CACNA2D3: variants seen among roughly 807,000 people sequenced by gnomAD.
The protein encoded by CACNA2D3 is calcium voltage-gated channel auxiliary subunit alpha2delta 3.
Under a neutral mutation model 160.6 loss-of-function variants are expected in CACNA2D3, and 60 were observed. The ratio of observed to expected loss-of-function variants is 0.37; its 90% CI spans 0.30 to 0.46. CACNA2D3 has a LOEUF of 0.46. CACNA2D3 is among the 20% of genes least tolerant of loss of function. CACNA2D3 has a pLI of 1.00. For missense variants in CACNA2D3, 1,205 were observed against 1,365.0 expected, an observed-to-expected ratio of 0.88 and a Z score of 1.85; for synonymous variants, 558 against 492.9, an observed-to-expected ratio of 1.13 and a Z score of -1.75.
At chr3:54,837,433 C>A (rs191442006) in intron 15 of CACNA2D3, among the ~76,000 whole-genome samples, 184 of 152,106 alleles carry the variant, frequency 1.2e-3, no homozygotes, top group Non-Finnish European at 2.2e-4. Context: ...GTTGGCAACA[C>A]CTTTCCAAAG....
At chr3:54,755,952 G>A (rs1295620644) in intron 12 of CACNA2D3, among the ~76,000 whole-genome samples, 3 of 152,226 alleles carry the variant, frequency 2.0e-5, no homozygotes, top group East Asian at 3.9e-4. Flanking sequence ...TGAAATTGAA[G>A]TCTTGTCTTA....
chr3:54,646,236 T>C (rs970905843), intron 11 of CACNA2D3, among the ~76,000 whole-genome samples: 1 of 134,658 alleles, frequency 7.4e-6, no homozygotes, highest in African/African-American at 2.8e-5. Flanking sequence ...CCTTCCTTCC[T>C]TCCTTCCTTC....
Position 54,832,011 on chromosome 3 carries a change from T to TCATACACACACACACA in CACNA2D3, c.1399-5146_1399-5145insTACACACACACACACA, listed in dbSNP as rs373556430. 3.8e-3 allele frequency among the ~76,000 whole-genome samples: 456 copies of TCATACACACACACACA among 118,938 alleles called. 32 individuals are homozygous for TCATACACACACACACA. The highest frequency in any genetic ancestry group is 8.1e-3 in the Middle Eastern group (2 of 248). 78.0% of individuals were successfully genotyped at this position (118,938 alleles called of 152,430 possible). A position where few individuals can be genotyped will look rare whatever the true frequency, so the allele number is the denominator to read the frequency against. On this transcript the variant is annotated intron_variant, in intron 14 of 37. Transcript: ENST00000474759. Reference sequence around the variant, plus strand: ...TCCCTCTTTATCTCTCTCTTCTCTGTCACACACACACACACACACACACAC... The same window carrying TCATACACACACACACA: ...TCCCTCTTTATCTCTCTCTTCTCTGTCATACACACACACACACACACACACACACACACACACACAC...
At position 54,900,189 on chromosome 3, in the gene CACNA2D3, A is replaced by G. The variant is rs532941923; in HGVS notation, c.2449+321A>G. Among the ~76,000 whole-genome samples the G allele has an allele frequency of 5.3e-5, 8 of 152,296 alleles. 1 individual carries two copies. The South Asian group carries it at 1.7e-3, about 32-fold the overall frequency. The stretch of plus-strand genomic sequence containing the variant: ...CATTCAAAGTAAACTCCAGATCTCC[A>G]GCTTCTGTGTCATTAGGATGACAGT... On this transcript the variant is annotated intron_variant, in intron 27 of 37. Transcript: ENST00000474759.
At chr3:54,484,308 G>T (rs1700980270) in intron 4 of CACNA2D3, among the ~76,000 whole-genome samples, 1 of 152,068 alleles carries the variant, frequency 6.6e-6, no homozygotes, top group Non-Finnish European at 1.5e-5. Flanking sequence ...CCTCCCCGCG[G>T]ACTGTATCAG....
At chr3:54,267,840 C>T (rs930194632) in intron 2 of CACNA2D3, among the ~76,000 whole-genome samples, 2 of 152,042 alleles carry the variant, frequency 1.3e-5, no homozygotes, top group Non-Finnish European at 2.9e-5. Flanking sequence ...CATCCTAAAC[C>T]CTTATGATTT....
intron 2 of CACNA2D3, among the ~76,000 whole-genome samples, chr3:54,149,978 T>C (rs28483429): frequency 0.45 from 46,595 of 103,638 alleles, 11,463 homozygotes; most frequent in African/African-American, 0.55. Context: ...CCCTTCCTTC[T>C]TCCCTCCCCT....
chr3:54,843,236 C>G (rs974801223), intron 16 of CACNA2D3, among the ~76,000 whole-genome samples: 4 of 152,144 alleles, frequency 2.6e-5, no homozygotes, highest in Non-Finnish European at 5.9e-5. Context: ...GTTAGGATTA[C>G]AGGCATGAGC....
At chr3:54,331,703 A>G (rs776479854) in intron 3 of CACNA2D3, among the ~76,000 whole-genome samples, 6 of 152,228 alleles carry the variant, frequency 3.9e-5, no homozygotes, top group Non-Finnish European at 8.8e-5. Flanking sequence ...ATAAGGGGAC[A>G]TGGAATCTTT....
At chr3:54,420,435 C>A (rs1047068806) in intron 4 of CACNA2D3, among the ~76,000 whole-genome samples, 8 of 152,192 alleles carry the variant, frequency 5.3e-5, no homozygotes, top group Non-Finnish European at 7.3e-5. Context: ...CAGCAAAATT[C>A]TCTTTGGTTT....
chr3:54,610,247 A>G (rs1698723432), intron 9 of CACNA2D3, among the ~76,000 whole-genome samples: 1 of 152,206 alleles, frequency 6.6e-6, no homozygotes, highest in African/African-American at 2.4e-5. Context: ...TTGGACTTCA[A>G]CATGTCTTTT....
At chr3:54,714,164 A>AAAGATGATGAAAGAC (rs1701007050) in intron 11 of CACNA2D3, among the ~76,000 whole-genome samples, 1 of 152,174 alleles carries the variant, frequency 6.6e-6, no homozygotes, top group East Asian at 1.9e-4. Flanking sequence ...AGATAAAGAC[A>AAAGATGATGAAAGAC]AAGATGATGA....
At position 54,236,040 on chromosome 3, in the gene CACNA2D3, G is replaced by T. The variant is rs375115468; in HGVS notation, c.205-84402G>T. 2.0e-5 allele frequency among the ~76,000 whole-genome samples: 3 copies of T among 152,166 alleles called. No individual in the cohort carries two copies. The South Asian group carries it at 6.2e-4, about 32-fold the overall frequency. ...ATGAGAGTGACACTTTACCTCTGTGGTCTTCCTCCCCAAAACCTGTAACCT... is the reference window on the plus strand; with the variant it reads ...ATGAGAGTGACACTTTACCTCTGTGTTCTTCCTCCCCAAAACCTGTAACCT... On this transcript the variant is annotated intron_variant, in intron 2 of 37. Coordinates refer to ENST00000474759, the MANE Select transcript of CACNA2D3 (RefSeq NM_018398.3).
At chr3:54,698,884 C>T (rs1700714104) in intron 11 of CACNA2D3, among the ~76,000 whole-genome samples, 1 of 152,044 alleles carries the variant, frequency 6.6e-6, no homozygotes, top group Non-Finnish European at 1.5e-5. Flanking sequence ...TATAGACATA[C>T]AAGGACGTAT....
intron 11 of CACNA2D3, among the ~76,000 whole-genome samples, chr3:54,704,905 A>G (rs1046621396): frequency 2.6e-5 from 4 of 152,064 alleles, no homozygotes; most frequent in Admixed American, 2.6e-4. Flanking sequence ...CCATTTCTAC[A>G]GGGAAACAAC....
At chr3:54,764,067 C>T (rs1164886162) in intron 12 of CACNA2D3, 151 bp from the exon 13 acceptor site, 13 of 751,492 alleles carry the variant, frequency 1.7e-5, no homozygotes, top group Middle Eastern at 3.2e-4. Flanking sequence ...GAGGAGCTAA[C>T]GTTGAAAAGA....
intron 14 of CACNA2D3, among the ~76,000 whole-genome samples, chr3:54,830,568 C>A: frequency 6.6e-6 from 1 of 151,860 alleles, no homozygotes; most frequent in Non-Finnish European, 1.5e-5. Flanking sequence ...CCTGCCTCAG[C>A]CTCCCAAGTA....
At position 54,216,985 on chromosome 3, in the gene CACNA2D3, G is replaced by A. The variant is rs141614188; in HGVS notation, c.204+93391G>A. ...TAATTCCAGGCGGTGACAAGTGCGT[G>A]GAGAAGGTAAACTGAGGCAGCGAGT... is the stretch of plus-strand genomic sequence containing the variant. On this transcript the variant is annotated intron_variant, in intron 2 of 37. Transcript: ENST00000474759. 2.1e-3 allele frequency among the ~76,000 whole-genome samples: 317 copies of A among 152,298 alleles called. 3 individuals carry two copies. Among genetic ancestry groups the A allele is most frequent in the Middle Eastern group, 0.01 (3 of 294 alleles).
intron 5 of CACNA2D3, among the ~76,000 whole-genome samples, chr3:54,553,559 G>A (rs1702193706): frequency 6.6e-6 from 1 of 152,216 alleles, no homozygotes; most frequent in African/African-American, 2.4e-5. Flanking sequence ...TGTTGATTCT[G>A]AGCTGAGTCC....
Sources: allele counts gnomAD v4.1 joint callset (sites outside exome capture counted in the v4.1 genomes callset), GRCh38; gene constraint gnomAD v4.1.1; transcripts MANE v1.5; gene names NCBI Gene and HGNC (gene_info 2026-07-23, HGNC 2026-07-21).